Variants in PKNOX2 observed in about 807,000 individuals in gnomAD.
PKNOX2 encodes the protein homeobox protein PKNOX2.
In PKNOX2, 14 loss-of-function variants were observed where a neutral mutation model predicts 53.1. The ratio of observed to expected loss-of-function variants is 0.26; its 90% CI spans 0.17 to 0.41. PKNOX2 has a LOEUF of 0.41. PKNOX2 is among the 10% of genes least tolerant of loss of function. The probability of loss-of-function intolerance (pLI) is 1.00; values close to 1 mark genes in which losing one functional copy is unlikely to be tolerated. For synonymous variants in PKNOX2, 257 were observed against 242.8 expected (o/e 1.06, Z -0.54); for missense variants, 496 against 602.8 (o/e 0.82, Z 1.85).
intron 1 of PKNOX2, among the ~76,000 whole-genome samples, chr11:125,171,755 C>T (rs988342566): frequency 1.3e-5 from 2 of 152,232 alleles, no homozygotes; most frequent in Admixed American, 6.5e-5. Flanking sequence ...CACAAATAGC[C>T]AGTCAATGCT....
At chr11:125,398,101 T>C (rs775252370) in intron 7 of PKNOX2, 39 bp downstream of exon 7, 3 of 1,568,964 alleles carry the variant, frequency 1.9e-6, no homozygotes, top group Middle Eastern at 3.4e-4. Context: ...TAAGCCAGGC[T>C]CCTAAGCCCA....
chr11:125,421,955 A>G (rs1956196293), intron 10 of PKNOX2, among the ~76,000 whole-genome samples: 6 of 152,038 alleles, frequency 3.9e-5, no homozygotes, highest in Admixed American at 3.9e-4. Context: ...AGACCCTGAG[A>G]GCTCTGTGTA....
chr11:125,334,820 T>A (rs1424224106), intron 3 of PKNOX2, among the ~76,000 whole-genome samples: 1 of 151,884 alleles, frequency 6.6e-6, no homozygotes, highest in East Asian at 1.9e-4. Context: ...TCCAGCCTGG[T>A]CTCTAACTCC....
chr11:125,270,421 G>A (rs953351413), intron 2 of PKNOX2, among the ~76,000 whole-genome samples: 2 of 152,084 alleles, frequency 1.3e-5, no homozygotes, highest in African/African-American at 2.4e-5. Flanking sequence ...CAGACCTGGG[G>A]CTGAAGCCTT....
At chr11:125,294,883 C>T (rs979910742) in intron 2 of PKNOX2, among the ~76,000 whole-genome samples, 2 of 152,218 alleles carry the variant, frequency 1.3e-5, no homozygotes, top group African/African-American at 4.8e-5. Flanking sequence ...TTGGGGCTCT[C>T]TGAGAGTGAA....
chr11:125,276,647 A>C (rs1452431961), intron 2 of PKNOX2, among the ~76,000 whole-genome samples: 2 of 152,184 alleles, frequency 1.3e-5, no homozygotes, highest in East Asian at 3.9e-4. Flanking sequence ...AATATACTGC[A>C]AGGTCATCAA....
At chr11:125,330,937 T>C (rs1465682909) in intron 2 of PKNOX2, among the ~76,000 whole-genome samples, 1 of 152,216 alleles carries the variant, frequency 6.6e-6, no homozygotes, top group Non-Finnish European at 1.5e-5. Flanking sequence ...ACCTCTGGCG[T>C]AGGGCAGGCC....
At chr11:125,260,770 C>T (rs1373701497) in intron 2 of PKNOX2, among the ~76,000 whole-genome samples, 1 of 152,200 alleles carries the variant, frequency 6.6e-6, no homozygotes, top group African/African-American at 2.4e-5. Flanking sequence ...GGACGTCTCG[C>T]TGTGGCCTTG....
intron 1 of PKNOX2, among the ~76,000 whole-genome samples, chr11:125,221,318 A>G (rs563169425): frequency 1.3e-5 from 2 of 152,176 alleles, no homozygotes; most frequent in African/African-American, 4.8e-5. Flanking sequence ...GGTGGATGGG[A>G]AAGGGAAGCC....
chr11:125,255,399 A>T (rs892231395), intron 2 of PKNOX2, among the ~76,000 whole-genome samples: 3 of 152,170 alleles, frequency 2.0e-5, no homozygotes, highest in African/African-American at 4.8e-5. Context: ...CCGGGATGAG[A>T]CTGACAAAGG....
chr11:125,261,519 G>A (rs879630281), intron 2 of PKNOX2, among the ~76,000 whole-genome samples: 1 of 152,202 alleles, frequency 6.6e-6, no homozygotes, highest in Non-Finnish European at 1.5e-5. Context: ...CTTCTGGACA[G>A]GGGTCCTTGT....
intron 5 of PKNOX2, among the ~76,000 whole-genome samples, chr11:125,373,523 A>G (rs112900115): frequency 0.016 from 2,397 of 152,360 alleles, 48 homozygotes; most frequent in African/African-American, 0.047. Context: ...GTGAGATAAC[A>G]CAGGTAATGT....
intron 2 of PKNOX2, among the ~76,000 whole-genome samples, chr11:125,242,652 C>T (rs1166686342): frequency 1.5e-5 from 2 of 135,696 alleles, no homozygotes; most frequent in African/African-American, 2.8e-5. Flanking sequence ...CTGTGCAATG[C>T]GGGGCAGGGA....
At chr11:125,427,477 G>A (rs143700589) in intron 10 of PKNOX2, among the ~76,000 whole-genome samples, 45 of 152,244 alleles carry the variant, frequency 3.0e-4, no homozygotes, top group African/African-American at 8.9e-4. Context: ...GCTGCTGACC[G>A]CAGCCTTTTC....
At chr11:125,187,674 T>C (rs958006698) in intron 1 of PKNOX2, among the ~76,000 whole-genome samples, 2 of 152,134 alleles carry the variant, frequency 1.3e-5, no homozygotes, top group Non-Finnish European at 2.9e-5. Context: ...CTTTTTTTTT[T>C]TCCTAATTAC....
In PKNOX2 at chr11:125,431,614, C is replaced by T. The variant is rs1225793243; in HGVS notation, c.*222C>T. 3.5e-6 allele frequency: 2 copies of T among 576,300 alleles called. No individual in the cohort carries two copies. The highest frequency in any genetic ancestry group is 4.2e-5 in the South Asian group (2 of 47,416). 35.7% of individuals were successfully genotyped at this position (576,300 alleles called of 1,614,324 possible). A position where few individuals can be genotyped will look rare whatever the true frequency, so the allele number is the denominator to read the frequency against. ...CCCACTTCCCTGGAACTGCCGAGGA[C>T]TCTGTTTGGCGGGGCCAGTCGAGCA... On this transcript the variant is annotated 3_prime_UTR_variant, in exon 13 of 13. Coordinates refer to ENST00000298282, the MANE Select transcript of PKNOX2 (RefSeq NM_001382323.2).
intron 4 of PKNOX2, among the ~76,000 whole-genome samples, chr11:125,357,201 A>T (rs990588952): frequency 2.0e-5 from 3 of 152,062 alleles, no homozygotes; most frequent in Non-Finnish European, 2.9e-5. Context: ...CTCTTTGTGC[A>T]CAGTGACCTC....
chr11:125,189,389 A>G (rs11219962), intron 1 of PKNOX2, among the ~76,000 whole-genome samples: 3 of 123,910 alleles, frequency 2.4e-5, no homozygotes, highest in Non-Finnish European at 5.2e-5. Context: ...ATATGTGTGT[A>G]TATATATATG....
At chr11:125,190,718 G>A (rs1956827376) in intron 1 of PKNOX2, among the ~76,000 whole-genome samples, 1 of 152,034 alleles carries the variant, frequency 6.6e-6, no homozygotes, top group Admixed American at 6.6e-5. Flanking sequence ...TCTCACTCTG[G>A]CCGTCACCAC....
Sources: allele counts gnomAD v4.1 joint callset (sites outside exome capture counted in the v4.1 genomes callset), GRCh38; gene constraint gnomAD v4.1.1; transcripts MANE v1.5; gene names NCBI Gene and HGNC (gene_info 2026-07-23, HGNC 2026-07-21).